Variants in ADAMTS9 observed in about 807,000 individuals in gnomAD.
ADAMTS9 encodes the protein ADAM metallopeptidase with thrombospondin type 1 motif 9.
A neutral mutation model predicts 257.1 loss-of-function variants in ADAMTS9; 107 were observed. That is an observed-to-expected ratio of 0.42 (90% CI 0.36 to 0.49). The LOEUF is 0.49. Among genes scored for constraint, ADAMTS9 ranks in the 20% least tolerant of loss-of-function variants. The pLI, the probability that ADAMTS9 is intolerant of heterozygous loss-of-function variation, is 0.03. For synonymous variants in ADAMTS9, 982 were observed against 880.9 expected (o/e 1.11, Z -2.03); for missense variants, 2,353 against 2,469.1 (o/e 0.95, Z 1.00).
intron 8 of ADAMTS9, among the ~76,000 whole-genome samples, chr3:64,651,907 T>C (rs1240946949): frequency 1.3e-5 from 2 of 152,184 alleles, no homozygotes; most frequent in African/African-American, 2.4e-5. Context: ...CTATGAAGGA[T>C]TGCCAACGTC....
At chr3:64,655,167 T>C (rs779251312) in intron 6 of ADAMTS9, among the ~76,000 whole-genome samples, 17 of 152,248 alleles carry the variant, frequency 1.1e-4, no homozygotes, top group Non-Finnish European at 2.4e-4. Context: ...ACTGAACTCA[T>C]ATACTACATG....
intron 6 of ADAMTS9, 93 bp downstream of exon 6, chr3:64,655,483 C>T: frequency 1.9e-6 from 2 of 1,059,384 alleles, no homozygotes; most frequent in Non-Finnish European, 2.9e-6. Flanking sequence ...GCTGAGAAAC[C>T]CTCCACTAGC....
intron 36 of ADAMTS9, among the ~76,000 whole-genome samples, chr3:64,540,049 C>A (rs2083100878): frequency 1.3e-5 from 2 of 152,174 alleles, no homozygotes. Context: ...TCAGGAATGG[C>A]CTTAATCTTC....
At chr3:64,645,444 C>A (rs1700764818) in intron 11 of ADAMTS9, among the ~76,000 whole-genome samples, 1 of 152,140 alleles carries the variant, frequency 6.6e-6, no homozygotes, top group Non-Finnish European at 1.5e-5. Context: ...CAGATTACTG[C>A]TGCAGGAGCA....
chr3:64,619,528 T>C (rs1287002304), intron 19 of ADAMTS9, among the ~76,000 whole-genome samples: 1 of 152,188 alleles, frequency 6.6e-6, no homozygotes, highest in Non-Finnish European at 1.5e-5. Context: ...ATTTTCCTTA[T>C]TTGTAAAGTG....
chr3:64,584,609 ATT>A (rs1235179867), intron 28 of ADAMTS9, among the ~76,000 whole-genome samples: 1 of 152,136 alleles, frequency 6.6e-6, no homozygotes, highest in Non-Finnish European at 1.5e-5. Flanking sequence ...CTCTGAATAC[ATT>A]TGTTTCTTTA....
At chr3:64,579,429 C>T (rs1213063775) in intron 28 of ADAMTS9, among the ~76,000 whole-genome samples, 21 of 152,168 alleles carry the variant, frequency 1.4e-4, no homozygotes, top group Admixed American at 1.4e-3. Context: ...ACGCTATCTC[C>T]TATCCTTCTT....
chr3:64,682,609 A>G (rs1383751067), intron 2 of ADAMTS9, among the ~76,000 whole-genome samples: 2 of 152,176 alleles, frequency 1.3e-5, no homozygotes, highest in Non-Finnish European at 2.9e-5. Flanking sequence ...TGCTGGAAAA[A>G]AAATCTGATG....
chr3:64,595,674 C>T (rs534562919), intron 27 of ADAMTS9, among the ~76,000 whole-genome samples: 1 of 152,264 alleles, frequency 6.6e-6, no homozygotes, highest in South Asian at 2.1e-4. Context: ...TGAAAGTCAA[C>T]AATAATCCCG....
chr3:64,644,856 G>T (rs1415367525), intron 11 of ADAMTS9, among the ~76,000 whole-genome samples: 1 of 152,158 alleles, frequency 6.6e-6, no homozygotes, highest in Admixed American at 6.5e-5. Context: ...AAACAAGGGG[G>T]TAGGTTTATC....
rs368706024 is a variant in ADAMTS9 at position 64,622,431 on chromosome 3, G to T, written c.2545C>A (p.Leu849Ile). 1 of 1,613,820 alleles carries T rather than the reference G, an allele frequency of 6.2e-7. No individual in the cohort carries two copies. The highest frequency in any genetic ancestry group is 8.5e-7 in the Non-Finnish European group (1 of 1,179,968). Residue 849 changes from leucine to isoleucine, a missense_variant, in exon 17 of 40, where the codon CTT (leucine) becomes ATT (isoleucine). This residue lies in a region of ADAMTS9 where 1,402 missense variants were observed against 1,441.4 expected (regional missense o/e 0.97). Coordinates refer to ENST00000498707, the MANE Select transcript of ADAMTS9 (RefSeq NM_182920.2). ...GGTCAAGTTTTTACCTGAAGCAAAA[G>T]TTCTTGCTCAATGCGATCTGTTGAG... Reference protein sequence around the residue: ...INSTDRIEQELLLQVLSVGKL... With the variant: ...INSTDRIEQEILLQVLSVGKL...
intron 28 of ADAMTS9, among the ~76,000 whole-genome samples, chr3:64,590,592 G>A (rs1205893930): frequency 6.6e-6 from 1 of 152,086 alleles, no homozygotes; most frequent in Non-Finnish European, 1.5e-5. Flanking sequence ...TTCTTCTAGG[G>A]AGAGAAGCAG....
chr3:64,628,993 C>T (rs757148608), intron 16 of ADAMTS9, among the ~76,000 whole-genome samples: 1 of 152,160 alleles, frequency 6.6e-6, no homozygotes, highest in African/African-American at 2.4e-5. Flanking sequence ...AGGTTTTGAC[C>T]TTGGAGTTTT....
At chr3:64,567,060 G>A (rs772775032) in intron 29 of ADAMTS9, among the ~76,000 whole-genome samples, 3 of 152,102 alleles carry the variant, frequency 2.0e-5, no homozygotes, top group Non-Finnish European at 2.9e-5. Flanking sequence ...TATGATAAAG[G>A]CCTTGAGAGG....
intron 28 of ADAMTS9, among the ~76,000 whole-genome samples, chr3:64,590,343 A>C (rs897354782): frequency 6.6e-6 from 1 of 152,206 alleles, no homozygotes; most frequent in Non-Finnish European, 1.5e-5. Flanking sequence ...GTATCTTTTT[A>C]AAACCAAAAG....
chr3:64,601,629 G>A (rs1207398050), intron 26 of ADAMTS9, among the ~76,000 whole-genome samples: 1 of 152,092 alleles, frequency 6.6e-6, no homozygotes, highest in Non-Finnish European at 1.5e-5. Flanking sequence ...TCCCCTACAG[G>A]TATGAGCTGC....
intron 28 of ADAMTS9, among the ~76,000 whole-genome samples, chr3:64,578,004 A>G (rs1488014269): frequency 6.6e-6 from 1 of 152,174 alleles, no homozygotes; most frequent in Non-Finnish European, 1.5e-5. Flanking sequence ...TATCCTGAAA[A>G]TTTTATAACA....
chr3:64,552,940 G>T (rs972728403), intron 30 of ADAMTS9, among the ~76,000 whole-genome samples: 8 of 151,900 alleles, frequency 5.3e-5, no homozygotes, highest in African/African-American at 1.9e-4. Context: ...CTAATGGGCA[G>T]CCTTTCCTTT....
chr3:64,517,416 G>GTTTTTTTTTTTTTTTT (rs755480110), intron 39 of ADAMTS9, among the ~76,000 whole-genome samples: 7,110 of 52,592 alleles, frequency 0.14, 2,723 homozygotes, highest in Non-Finnish European at 0.21. Flanking sequence ...ATTAAAAATG[G>GTTTTTTTTTTTTTTTT]TTTTTTTTTT....
Sources: allele counts gnomAD v4.1 joint callset (sites outside exome capture counted in the v4.1 genomes callset), GRCh38; gene constraint gnomAD v4.1.1; regional missense constraint gnomAD v4.1.1; transcripts MANE v1.5; gene names NCBI Gene and HGNC (gene_info 2026-07-23, HGNC 2026-07-21).